The following UAP1 variants were observed in gnomAD, a reference collection of about 807,000 sequenced individuals.
UAP1 encodes the protein UDP-N-acetylhexosamine pyrophosphorylase.
In UAP1, 25 loss-of-function variants were observed where a neutral mutation model predicts 58.5. The observed-to-expected ratio is 0.43, with a 90% CI of 0.31 to 0.60. The LOEUF (loss-of-function observed/expected upper bound fraction) is 0.60. Among genes scored for constraint, UAP1 ranks in the 20% least tolerant of loss-of-function variants. The pLI is 0.11. For missense variants in UAP1, 575 were observed against 630.0 expected, an observed-to-expected ratio of 0.91 and a Z score of 0.93; for synonymous variants, 208 against 213.0, an observed-to-expected ratio of 0.98 and a Z score of 0.21.
chr1:162,583,537 G>A (rs1318366647), intron 5 of UAP1, among the ~76,000 whole-genome samples: 1 of 152,130 alleles, frequency 6.6e-6, no homozygotes, highest in Non-Finnish European at 1.5e-5. Context: ...TGCAATCAGA[G>A]AGTGTTCAAC....
At chr1:162,571,198 G>A (rs1431535819) in intron 2 of UAP1, among the ~76,000 whole-genome samples, 1 of 150,832 alleles carries the variant, frequency 6.6e-6, no homozygotes, top group African/African-American at 2.4e-5. Context: ...GCATGATCTC[G>A]GCTCACTGCA....
At chr1:162,591,662 T>C (rs1655317529) in intron 8 of UAP1, among the ~76,000 whole-genome samples, 1 of 152,132 alleles carries the variant, frequency 6.6e-6, no homozygotes, top group African/African-American at 2.4e-5. Flanking sequence ...ATTTTTGTAT[T>C]TTTAGTAGAG....
intron 3 of UAP1, among the ~76,000 whole-genome samples, chr1:162,577,977 C>T (rs1654313510): frequency 6.6e-6 from 1 of 151,926 alleles, no homozygotes; most frequent in Non-Finnish European, 1.5e-5. Context: ...GTGAGCTGCC[C>T]CCCTCGACCT....
At chr1:162,566,688 G>T (rs1310038090) in intron 2 of UAP1, among the ~76,000 whole-genome samples, 2 of 151,862 alleles carry the variant, frequency 1.3e-5, no homozygotes, top group African/African-American at 4.8e-5. Context: ...GTGCAGTGGG[G>T]CGATCTCTGC....
chr1:162,600,003 A>T (rs2101857025), downstream of UAP1, among the ~76,000 whole-genome samples: 1 of 152,296 alleles, frequency 6.6e-6, no homozygotes, highest in South Asian at 2.1e-4. Context: ...ATCACTTTAT[A>T]ATAGTAGCTC....
rs753581802 is a variant in UAP1 at position 162,590,302 on chromosome 1, CTT to C, written c.1170-19_1170-18del. ...GTATGCAGTTTCATAATAAAGAGGT[CTT>C]TATATGGTTTCGCTCTAGGAAGTTT... On this transcript the variant is annotated intron_variant, in intron 7 of 10. Transcript: ENST00000271469. The C allele has an allele frequency of 3.8e-6, 6 of 1,596,274 alleles. No individual in the cohort carries two copies. Among genetic ancestry groups the C allele is most frequent in the Non-Finnish European group, 3.4e-6 (4 of 1,171,940 alleles).
chr1:162,594,369 A>C (rs1655499304), intron 9 of UAP1, among the ~76,000 whole-genome samples: 1 of 152,164 alleles, frequency 6.6e-6, no homozygotes, highest in Admixed American at 6.5e-5. Context: ...CAGGAGGTGG[A>C]GCTCAGGCAG....
At chr1:162,580,066 C>T (rs1382879088) in intron 4 of UAP1, among the ~76,000 whole-genome samples, 1 of 152,114 alleles carries the variant, frequency 6.6e-6, no homozygotes, top group Non-Finnish European at 1.5e-5. Context: ...GGGCTTTCGC[C>T]ATGTTGGCTA....
chr1:162,581,896 T>C (rs1321844804), intron 5 of UAP1, among the ~76,000 whole-genome samples: 3 of 152,194 alleles, frequency 2.0e-5, no homozygotes, highest in African/African-American at 7.2e-5. Flanking sequence ...AAGATAGAAA[T>C]ATGCAAGTTG....
chr1:162,585,553 C>T (rs6662016), intron 5 of UAP1, among the ~76,000 whole-genome samples: 32,328 of 152,092 alleles, frequency 0.21, 3,716 homozygotes, highest in Middle Eastern at 0.29. Flanking sequence ...TGAGCTACCA[C>T]GCCCGTTCTA....
At chr1:162,570,570 C>G (rs1653800477) in intron 2 of UAP1, among the ~76,000 whole-genome samples, 1 of 151,938 alleles carries the variant, frequency 6.6e-6, no homozygotes, top group African/African-American at 2.4e-5. Context: ...TGGGTGTTTT[C>G]TTACTAATCA....
chr1:162,581,209 C>T, intron 4 of UAP1, 78 bp from the exon 5 acceptor site: 2 of 1,470,246 alleles, frequency 1.4e-6, no homozygotes, highest in Non-Finnish European at 1.8e-6. Flanking sequence ...GGGATCTTAA[C>T]CCTAGTTTGG....
At chr1:162,570,393 A>G (rs970085648) in intron 2 of UAP1, among the ~76,000 whole-genome samples, 5 of 152,174 alleles carry the variant, frequency 3.3e-5, no homozygotes, top group Non-Finnish European at 7.3e-5. Context: ...CAAATTTAGT[A>G]TAGTGAACCC....
intron 9 of UAP1, among the ~76,000 whole-genome samples, chr1:162,594,495 A>G (rs1392262691): frequency 6.6e-6 from 1 of 152,188 alleles, no homozygotes; most frequent in Non-Finnish European, 1.5e-5. Context: ...GTACCGGTCC[A>G]TGGCCCAGGG....
rs1233348372 is a variant in UAP1 at position 162,596,725 on chromosome 1, CA to C, written c.1410-1066del. Among the ~76,000 whole-genome samples, 3 of 152,164 alleles carry C rather than the reference CA, an allele frequency of 2.0e-5. No individual in the cohort carries two copies. The East Asian group carries it at 5.8e-4, about 29-fold the overall frequency. ...AGAAAGGTTGACCTGTAGCTAAACTCAGAAGCCCTCTGATTTTTATTGACTC... is the reference window on the plus strand; with the variant it reads ...AGAAAGGTTGACCTGTAGCTAAACTCGAAGCCCTCTGATTTTTATTGACTC... On this transcript the variant is annotated intron_variant, in intron 9 of 10. Transcript: ENST00000271469.
At chr1:162,579,339 A>T (rs781562745) in intron 3 of UAP1, 89 bp from the exon 4 acceptor site, 6 of 980,680 alleles carry the variant, frequency 6.1e-6, no homozygotes, top group Non-Finnish European at 8.4e-6. Context: ...GCTTTCAAAG[A>T]TATCTTTAGC....
At chr1:162,566,556 T>G (rs1653520987) in intron 2 of UAP1, among the ~76,000 whole-genome samples, 1 of 152,156 alleles carries the variant, frequency 6.6e-6, no homozygotes, top group Non-Finnish European at 1.5e-5. Flanking sequence ...TCTCTTTCCC[T>G]CCTCAATTTC....
In UAP1 at chr1:162,588,772, C is replaced by T; in HGVS notation, c.1108C>T (p.Pro370Ser). 2 of 1,611,892 alleles carry T rather than the reference C, an allele frequency of 1.2e-6. No homozygotes were observed. The highest frequency in any genetic ancestry group is 2.7e-5 in the African/African-American group (2 of 74,908). Residue 370 changes from proline to serine, a missense_variant, in exon 7 of 11, where the codon CCA becomes TCA. Pro to Ser is a moderately conservative substitution (Grantham distance 74, BLOSUM62 -1). Transcript: ENST00000271469. ...GGATACCCAAGGACAGTTAATTAAG[C>T]CAGACAAACCCAATGGAATAAAGAT...
chr1:162,566,035 C>G, exon 2 of UAP1: 3 of 1,594,874 alleles, frequency 1.9e-6, no homozygotes, highest in Non-Finnish European at 2.6e-6. Context: ...TACATTACAC[C>G]CCTATTTCTA....
Sources: gnomAD v4.1 joint callset for allele counts (sites outside exome capture counted in the v4.1 genomes callset) on GRCh38, gnomAD v4.1.1 for gene constraint, MANE v1.5 for transcripts, NCBI Gene and HGNC (gene_info 2026-07-23, HGNC 2026-07-21) for gene names.